Variants in PECR observed in about 807,000 individuals in gnomAD.
PECR encodes 2,4-dienoyl-CoA reductase-related protein.
PECR carries 30 observed loss-of-function variants against 35.3 expected under a neutral mutation model. The ratio of observed to expected loss-of-function variants is 0.85; its 90% confidence interval spans 0.64 to 1.15. PECR has a LOEUF of 1.15. PECR is among the 50% of genes most tolerant of loss of function. The pLI is 0.00. For synonymous variants in PECR, 148 were observed against 138.9 expected (o/e 1.07, Z -0.46); for missense variants, 392 against 370.8 (o/e 1.06, Z -0.47).
At chr2:216,076,559 G>A (rs916960876) in intron 1 of PECR, among the ~76,000 whole-genome samples, 10 of 152,174 alleles carry the variant, frequency 6.6e-5, no homozygotes, top group African/African-American at 1.2e-4. Context: ...CAGCACTTTG[G>A]GAGGCCGAGG....
chr2:216,043,819 C>A (rs1694941605), intron 7 of PECR, 85 bp downstream of exon 7: 2 of 737,180 alleles, frequency 2.7e-6, no homozygotes, highest in African/African-American at 1.7e-5. Context: ...ACCCTCATCT[C>A]TTAAGTAACT....
At chr2:216,040,435 G>A (rs1212250150) in intron 7 of PECR, among the ~76,000 whole-genome samples, 3 of 152,020 alleles carry the variant, frequency 2.0e-5, no homozygotes, top group African/African-American at 7.2e-5. Context: ...TAAATGTTTT[G>A]TTGAGACGGA....
intron 1 of PECR, among the ~76,000 whole-genome samples, chr2:216,079,283 T>C (rs965722087): frequency 2.6e-5 from 4 of 151,974 alleles, no homozygotes; most frequent in Non-Finnish European, 2.9e-5. Context: ...ACGAAGACAA[T>C]TTTAATTACT....
chr2:216,041,413 C>A (rs1032781448), intron 7 of PECR, among the ~76,000 whole-genome samples: 2 of 152,072 alleles, frequency 1.3e-5, no homozygotes, highest in African/African-American at 4.8e-5. Context: ...CAACCAAGAC[C>A]CTTAAAACTA....
downstream of PECR, among the ~76,000 whole-genome samples, chr2:216,036,831 A>G (rs550275737): frequency 2.0e-5 from 3 of 152,352 alleles, no homozygotes; most frequent in South Asian, 2.1e-4. Context: ...GGACCTGAAC[A>G]TAAGCCACAA....
intron 7 of PECR, among the ~76,000 whole-genome samples, chr2:216,042,966 C>CAA (rs1553560181): frequency 3.1e-5 from 3 of 97,506 alleles, no homozygotes; most frequent in African/African-American, 1.1e-4. Context: ...TATATATACA[C>CAA]ATACGTATAT....
chr2:216,068,668 C>CT (rs371865560), intron 1 of PECR, among the ~76,000 whole-genome samples: 68 of 152,174 alleles, frequency 4.5e-4, no homozygotes, highest in African/African-American at 1.5e-3. Context: ...GAGACAGGGT[C>CT]TTACTCTGTT....
intron 4 of PECR, among the ~76,000 whole-genome samples, chr2:216,056,518 C>T (rs551639853): frequency 7.9e-4 from 120 of 151,906 alleles, no homozygotes; most frequent in Non-Finnish European, 1.5e-3. Flanking sequence ...GTCAGGAGTT[C>T]GAGACCAGCC....
At chr2:216,065,992 C>T (rs1020378839) in intron 2 of PECR, among the ~76,000 whole-genome samples, 26 of 152,160 alleles carry the variant, frequency 1.7e-4, no homozygotes, top group Non-Finnish European at 8.8e-5. Context: ...GGCATGGTGG[C>T]ATGCACCTAT....
Position 216,056,582 on chromosome 2 carries a change from G to A in PECR, c.506+2313C>T, listed in dbSNP as rs566909608. On this transcript the variant is annotated intron_variant, in intron 4 of 7. Coordinates refer to ENST00000265322, the MANE Select transcript of PECR (RefSeq NM_018441.6). The stretch of plus-strand genomic sequence containing the variant: ...CTAAAAATACAAAAAACTACTGGAC[G>A]TGGTGGTGGGTGCCTACAACCCCAG... Among the ~76,000 whole-genome samples the A allele has an allele frequency of 3.9e-4, 59 of 151,906 alleles. 1 individual carries two copies. The highest frequency in any genetic ancestry group is 2.1e-3 in the Admixed American group (32 of 15,268).
chr2:216,067,883 G>C (rs1441746464), intron 1 of PECR, among the ~76,000 whole-genome samples: 3 of 152,098 alleles, frequency 2.0e-5, no homozygotes, highest in African/African-American at 7.2e-5. Flanking sequence ...TACCAGGCAT[G>C]CCAAGGAACA....
intron 1 of PECR, among the ~76,000 whole-genome samples, chr2:216,071,101 G>C (rs771872256): frequency 2.0e-5 from 3 of 152,102 alleles, no homozygotes; most frequent in Non-Finnish European, 1.5e-5. Flanking sequence ...TGGGGGAACC[G>C]GGCCCATGGT....
At chr2:216,074,619 T>G (rs1336703046) in intron 1 of PECR, among the ~76,000 whole-genome samples, 1 of 152,082 alleles carries the variant, frequency 6.6e-6, no homozygotes, top group Non-Finnish European at 1.5e-5. Context: ...GTCCAAGACC[T>G]CGAGTAAAAA....
intron 5 of PECR, among the ~76,000 whole-genome samples, chr2:216,049,585 C>A (rs994798671): frequency 2.0e-5 from 3 of 152,162 alleles, no homozygotes; most frequent in African/African-American, 7.2e-5. Context: ...ATTTTGTGAC[C>A]TCCTCTTCCT....
At chr2:216,073,432 G>A (rs1451707451) in intron 1 of PECR, among the ~76,000 whole-genome samples, 1 of 152,074 alleles carries the variant, frequency 6.6e-6, no homozygotes, top group Admixed American at 6.5e-5. Context: ...TAGCCTGTGT[G>A]TACAGTGTTT....
At chr2:216,062,759 G>A (rs141755861) in intron 3 of PECR, among the ~76,000 whole-genome samples, 204 of 152,184 alleles carry the variant, frequency 1.3e-3, no homozygotes, top group Middle Eastern at 3.4e-3. Flanking sequence ...ACAATGTTTC[G>A]GTCAAAAACA....
intron 3 of PECR, among the ~76,000 whole-genome samples, chr2:216,063,033 A>C (rs899203181): frequency 2.0e-5 from 3 of 152,228 alleles, no homozygotes; most frequent in Non-Finnish European, 4.4e-5. Flanking sequence ...AAACAACACG[A>C]CTGTATTTTG....
chr2:216,069,181 T>C (rs777806021), intron 1 of PECR, among the ~76,000 whole-genome samples: 4 of 152,218 alleles, frequency 2.6e-5, no homozygotes, highest in Non-Finnish European at 5.9e-5. Context: ...ATGCAAACTT[T>C]ACTGCTAGCT....
At chr2:216,050,628 C>G (rs892553104) in intron 5 of PECR, among the ~76,000 whole-genome samples, 1 of 152,032 alleles carries the variant, frequency 6.6e-6, no homozygotes, top group Non-Finnish European at 1.5e-5. Context: ...ATAGGCTGGG[C>G]GCAGTGGCTC....
Sources: allele counts gnomAD v4.1 joint callset (sites outside exome capture counted in the v4.1 genomes callset), GRCh38; gene constraint gnomAD v4.1.1; transcripts MANE v1.5; gene names NCBI Gene and HGNC (gene_info 2026-07-23, HGNC 2026-07-21).